Variants in MBP observed in about 807,000 individuals in gnomAD.
MBP encodes the protein Golli-MBP.
In MBP, 16 loss-of-function variants were observed where a neutral mutation model predicts 35.8. The observed-to-expected ratio is 0.45, with a 90% confidence interval of 0.30 to 0.68. The LOEUF is 0.68. Among genes scored for constraint, MBP ranks in the 30% least tolerant of loss-of-function variants. MBP has a pLI of 0.08. For synonymous variants in MBP, 143 were observed against 159.6 expected (o/e 0.90, Z 0.78); for missense variants, 380 against 404.7 (o/e 0.94, Z 0.52).
At chr18:77,063,893 CAT>C (rs1225169910) in intron 3 of MBP, among the ~76,000 whole-genome samples, 5 of 113,512 alleles carry the variant, frequency 4.4e-5, no homozygotes, top group East Asian at 2.3e-4. Flanking sequence ...TATACCTATA[CAT>C]ATGTGTGTGT....
At chr18:77,010,498 C>A (rs972341106) in intron 4 of MBP, among the ~76,000 whole-genome samples, 1 of 152,142 alleles carries the variant, frequency 6.6e-6, no homozygotes. Flanking sequence ...TTCAGTGAAC[C>A]GAGGACGGAC....
chr18:77,085,442 A>T (rs1033777293), intron 2 of MBP, among the ~76,000 whole-genome samples: 7 of 152,214 alleles, frequency 4.6e-5, no homozygotes, highest in Admixed American at 3.3e-4. Context: ...AGGCAGAATG[A>T]TATTTTCTAT....
At chr18:76,986,016 GA>G in intron 7 of MBP, 2 of 985,564 alleles carry the variant, frequency 2.0e-6, no homozygotes, top group Non-Finnish European at 2.4e-6. Context: ...TCTCGAGTGG[GA>G]ACTCCACTGC....
intron 1 of MBP, among the ~76,000 whole-genome samples, chr18:77,116,771 A>AT (rs1976676360): frequency 6.6e-6 from 1 of 152,178 alleles, no homozygotes; most frequent in African/African-American, 2.4e-5. Context: ...AGGCAGGAGA[A>AT]TCTCTTGAAC....
intron 2 of MBP, among the ~76,000 whole-genome samples, chr18:77,098,780 C>T (rs909035979): frequency 3.3e-5 from 5 of 152,230 alleles, no homozygotes; most frequent in East Asian, 1.9e-4. Flanking sequence ...CTTCGGCAAA[C>T]ATCACTCTCA....
chr18:76,988,810 C>T lies in MBP; in HGVS notation c.717+67G>A. 5 of 1,529,472 alleles carry T rather than the reference C, an allele frequency of 3.3e-6. No individual in the cohort carries two copies. The highest frequency in any genetic ancestry group is 4.5e-6 in the Non-Finnish European group (5 of 1,118,012). 94.7% of individuals were successfully genotyped at this position (1,529,472 alleles called of 1,614,324 possible). A position where few individuals can be genotyped will look rare whatever the true frequency, so the allele number is the denominator to read the frequency against. On this transcript the variant is annotated intron_variant, in intron 6 of 8. Transcript: ENST00000355994. This position sits in a 1 kb window ranked among gnomAD's most constrained non-coding sequence, Gnocchi z 5.2. ...TCGGAGCCTAACTCTCTCTTTGGTA[C>T]ATTATGGGATTTTAGAGAAGGTCTA...
At chr18:77,034,119 A>AGGGG (rs1555718139) in intron 3 of MBP, among the ~76,000 whole-genome samples, 2 of 50,940 alleles carry the variant, frequency 3.9e-5, no homozygotes, top group South Asian at 9.7e-4. Flanking sequence ...GCCTTTAGGC[A>AGGGG]GGGTTTTCTC....
chr18:77,022,381 G>C (rs1272687053), intron 3 of MBP, among the ~76,000 whole-genome samples: 1 of 152,178 alleles, frequency 6.6e-6, no homozygotes, highest in Non-Finnish European at 1.5e-5. Flanking sequence ...GGACCAGGTG[G>C]GGCGGGAGAC....
At chr18:77,075,800 T>C (rs1048272754) in intron 2 of MBP, among the ~76,000 whole-genome samples, 1 of 152,064 alleles carries the variant, frequency 6.6e-6, no homozygotes, top group African/African-American at 2.4e-5. Context: ...TAAAACAATA[T>C]TAAAATCCAA....
At position 77,049,891 on chromosome 18, in the gene MBP, G is replaced by A. The variant is rs550601346; in HGVS notation, c.139+16407C>T. Among the ~76,000 whole-genome samples the A allele has an allele frequency of 3.3e-5, 5 of 152,158 alleles. No homozygotes were observed. The East Asian group carries it at 7.7e-4, about 24-fold the overall frequency. ...GATGGGGTTTCACCATGTTGGCCAG[G>A]CTGGTCTTGAACTCCTGACCTCAAG... On this transcript the variant is annotated intron_variant, in intron 3 of 8. Transcript: ENST00000355994.
In MBP at chr18:77,032,224, C is replaced by T. The variant is rs1041652330; in HGVS notation, c.140-14956G>A. Among the ~76,000 whole-genome samples the T allele has an allele frequency of 2.6e-5, 4 of 152,140 alleles. No individual in the cohort carries two copies. In the East Asian group the frequency reaches 5.8e-4, roughly 22 times the overall value. On this transcript the variant is annotated intron_variant, in intron 3 of 8. Coordinates refer to ENST00000355994, the MANE Select transcript of MBP (RefSeq NM_001025101.2). ...TTTGTGGAATACTTGTGTCACGGCGCGCTGTGCTTGGGGTCACCAGGGAGG... is the reference window on the plus strand; with the variant it reads ...TTTGTGGAATACTTGTGTCACGGCGTGCTGTGCTTGGGGTCACCAGGGAGG...
At chr18:77,112,160 C>T (rs191494041) in intron 1 of MBP, among the ~76,000 whole-genome samples, 50 of 88,032 alleles carry the variant, frequency 5.7e-4, no homozygotes, top group African/African-American at 1.3e-3. Context: ...GAATGAACAC[C>T]GTGCACACGC....
intron 4 of MBP, among the ~76,000 whole-genome samples, chr18:76,998,743 G>A (rs1234934392): frequency 6.6e-6 from 1 of 152,174 alleles, no homozygotes; most frequent in African/African-American, 2.4e-5. Flanking sequence ...GTACAGCCCT[G>A]TGTCTGCCCC....
At chr18:77,064,163 A>G (rs1974097054) in intron 3 of MBP, among the ~76,000 whole-genome samples, 1 of 152,238 alleles carries the variant, frequency 6.6e-6, no homozygotes, top group Non-Finnish European at 1.5e-5. Context: ...GATCATCTAA[A>G]TGAATTTTTA....
chr18:77,066,192 C>T, intron 3 of MBP, 106 bp downstream of exon 3: 2 of 782,812 alleles, frequency 2.6e-6, no homozygotes, highest in Non-Finnish European at 4.4e-6. Flanking sequence ...ACAGACAGAT[C>T]CATGGATCAC....
chr18:76,988,693 G>A lies in MBP; in HGVS notation c.718-166C>T. The A allele has an allele frequency of 1.4e-6, 2 of 1,388,704 alleles. No homozygotes were observed. The highest frequency in any genetic ancestry group is 1.4e-5 in the South Asian group (1 of 73,052). The allele number at this position is 1,388,704 out of a possible 1,614,324, so 86.0% of individuals were successfully genotyped here. On this transcript the variant is annotated intron_variant, in intron 6 of 8. Transcript: ENST00000355994. This position sits in a 1 kb window ranked among gnomAD's most constrained non-coding sequence, Gnocchi z 5.2. ...GGCTCAGGGCCACAGCGGCTGTGCA[G>A]GTGCGGGAGGGACAGGAGGGGTGCA... is the stretch of plus-strand genomic sequence containing the variant.
In MBP at chr18:76,988,603, G is replaced by A. The variant is rs938265115; in HGVS notation, c.718-76C>T. The stretch of plus-strand genomic sequence containing the variant: ...GTCCTTTCAATCAACAGGAAACACA[G>A]TCAAAGCACAGTGGAGCTGAGGTGG... On this transcript the variant is annotated intron_variant, in intron 6 of 8. Coordinates refer to ENST00000355994, the MANE Select transcript of MBP (RefSeq NM_001025101.2). This position sits in a 1 kb window ranked among gnomAD's most constrained non-coding sequence, Gnocchi z 5.2. The A allele has an allele frequency of 4.5e-6, 7 of 1,562,508 alleles. No homozygotes were observed. The African/African-American group carries it at 5.4e-5, about 12-fold the overall frequency.
intron 2 of MBP, among the ~76,000 whole-genome samples, chr18:77,094,445 G>A (rs1243394422): frequency 6.6e-6 from 1 of 152,172 alleles, no homozygotes; most frequent in African/African-American, 2.4e-5. Context: ...GCCGGTTCCC[G>A]GACTCTGCAG....
At chr18:76,995,151 T>C (rs997095583) in intron 4 of MBP, among the ~76,000 whole-genome samples, 1 of 152,218 alleles carries the variant, frequency 6.6e-6, no homozygotes, top group Non-Finnish European at 1.5e-5. Flanking sequence ...TGTACAGAAC[T>C]TTAAAGCTAA....
Sources: gnomAD v4.1 joint callset for allele counts (sites outside exome capture counted in the v4.1 genomes callset) on GRCh38, gnomAD v4.1.1 for gene constraint, Gnocchi (gnomAD v3.1) non-coding constraint, MANE v1.5 for transcripts, NCBI Gene and HGNC (gene_info 2026-07-23, HGNC 2026-07-21) for gene names.